Variants in WWTR1 observed in about 807,000 individuals in gnomAD.
WWTR1 encodes the protein WW domain containing transcription regulator 1.
In WWTR1, 13 loss-of-function variants were observed where a neutral mutation model predicts 40.1. The ratio of observed to expected loss-of-function variants is 0.32; its 90% CI spans 0.21 to 0.52. The LOEUF (loss-of-function observed/expected upper bound fraction) is 0.52, where lower values mean the gene tolerates loss of function less well. Among genes scored for constraint, WWTR1 ranks in the 20% least tolerant of loss-of-function variants. WWTR1 has a pLI of 0.97. For missense variants in WWTR1, 436 were observed against 523.1 expected (o/e 0.83, Z 1.63); for synonymous variants, 230 against 210.1 (o/e 1.09, Z -0.82).
At chr3:149,675,984 C>T (rs1434875800) in intron 1 of WWTR1, among the ~76,000 whole-genome samples, 1 of 152,098 alleles carries the variant, frequency 6.6e-6, no homozygotes, top group Non-Finnish European at 1.5e-5. Flanking sequence ...GGATTACAGG[C>T]GTGAGCCACC....
At chr3:149,661,455 T>C (rs555577595), upstream of WWTR1, 93 of 151,972 alleles carry the variant, frequency 6.1e-4, no homozygotes, top group African/African-American at 2.2e-3. Flanking sequence ...AGGGTTTCAC[T>C]TTGTTGCCCA....
At chr3:149,590,905 T>C (rs532870306) in intron 2 of WWTR1, among the ~76,000 whole-genome samples, 2 of 152,120 alleles carry the variant, frequency 1.3e-5, no homozygotes, top group Non-Finnish European at 2.9e-5. Context: ...GCAGGCTTGG[T>C]CCTCCTCTTG....
At chr3:149,569,495 C>A (rs922198809) in intron 3 of WWTR1, among the ~76,000 whole-genome samples, 1 of 152,128 alleles carries the variant, frequency 6.6e-6, no homozygotes, top group Admixed American at 6.6e-5. Flanking sequence ...AACTACAGAG[C>A]CAGGATTCAA....
intron 3 of WWTR1, among the ~76,000 whole-genome samples, chr3:149,554,253 C>T (rs1018463186): frequency 3.3e-5 from 5 of 152,204 alleles, no homozygotes; most frequent in African/African-American, 1.2e-4. Context: ...GATTCAGCCA[C>T]ACTTTCCCAG....
At chr3:149,624,090 T>G (rs16862059) in intron 2 of WWTR1, among the ~76,000 whole-genome samples, 3 of 152,164 alleles carry the variant, frequency 2.0e-5, no homozygotes, top group African/African-American at 7.2e-5. Context: ...ATTGAGGAAC[T>G]AAATCTTTCT....
At chr3:149,682,250 T>C (rs1039007361) in intron 1 of WWTR1, among the ~76,000 whole-genome samples, 1 of 152,168 alleles carries the variant, frequency 6.6e-6, no homozygotes, top group African/African-American at 2.4e-5. Context: ...TTTGTAACTT[T>C]GGCTGCACCA....
chr3:149,647,129 C>A (rs970607284), intron 2 of WWTR1, among the ~76,000 whole-genome samples: 1 of 151,968 alleles, frequency 6.6e-6, no homozygotes, highest in Non-Finnish European at 1.5e-5. Flanking sequence ...TACATTGATA[C>A]ATGCATGCTT....
intron 1 of WWTR1, among the ~76,000 whole-genome samples, chr3:149,675,546 A>G (rs1041639030): frequency 1.3e-5 from 2 of 152,148 alleles, no homozygotes; most frequent in Non-Finnish European, 2.9e-5. Flanking sequence ...CAGGAGAATA[A>G]TGGTACCGAA....
intron 2 of WWTR1, 110 bp downstream of exon 2, chr3:149,656,764 TTC>T (rs780553230): frequency 0.035 from 15,382 of 444,160 alleles, 3 homozygotes; most frequent in South Asian, 0.058. Context: ...ATCTCTCTCT[TTC>T]TCTCTCTCTC....
chr3:149,640,505 C>T (rs1712113383), intron 2 of WWTR1, among the ~76,000 whole-genome samples: 1 of 152,156 alleles, frequency 6.6e-6, no homozygotes, highest in African/African-American at 2.4e-5. Flanking sequence ...ACTGCAACCT[C>T]TGCCTCCCTG....
At position 149,527,833 on chromosome 3, in the gene WWTR1, T is replaced by C; in HGVS notation, c.905+3A>G. On this transcript the variant is annotated splice_donor_region_variant and intron_variant, in intron 5 of 6. Transcript: ENST00000360632. Reference sequence around the variant, plus strand: ...AATAAGTGGCCCCCAAATATTAACTTACCCATTGAGGAAAGGATCTGAGCT... The same window carrying C: ...AATAAGTGGCCCCCAAATATTAACTCACCCATTGAGGAAAGGATCTGAGCT... 6.2e-7 allele frequency: 1 copy of C among 1,613,966 alleles called. No individual in the cohort carries two copies. The highest frequency in any genetic ancestry group is 8.5e-7 in the Non-Finnish European group (1 of 1,179,972).
chr3:149,565,928 CAAAAA>C (rs58536558), intron 3 of WWTR1, among the ~76,000 whole-genome samples: 2 of 73,474 alleles, frequency 2.7e-5, no homozygotes, highest in African/African-American at 5.7e-5. Flanking sequence ...AACTCTGTCT[CAAAAA>C]AAAAAAAAAA....
chr3:149,704,251 G>A (rs953461561), upstream of WWTR1, among the ~76,000 whole-genome samples: 3 of 152,144 alleles, frequency 2.0e-5, no homozygotes, highest in African/African-American at 4.8e-5. Flanking sequence ...AATTAAAAGG[G>A]GGAGAAAATA....
chr3:149,718,414 C>G (rs929361567), intron 4 of WWTR1, among the ~76,000 whole-genome samples: 1 of 152,204 alleles, frequency 6.6e-6, no homozygotes, highest in African/African-American at 2.4e-5. Flanking sequence ...TCACAGGGTC[C>G]TCTGCTATCT....
chr3:149,568,537 A>C (rs866069920), intron 3 of WWTR1, among the ~76,000 whole-genome samples: 58 of 124,918 alleles, frequency 4.6e-4, no homozygotes, highest in Non-Finnish European at 5.8e-4. Flanking sequence ...AAAAAAAAAA[A>C]AAAAAAAAAA....
At chr3:149,534,995 A>G (rs1735757600) in intron 4 of WWTR1, among the ~76,000 whole-genome samples, 1 of 152,184 alleles carries the variant, frequency 6.6e-6, no homozygotes. Context: ...AAACCAACAG[A>G]GGAGGTGAGA....
intron 2 of WWTR1, among the ~76,000 whole-genome samples, chr3:149,643,818 A>G (rs1712330366): frequency 6.6e-6 from 1 of 152,152 alleles, no homozygotes; most frequent in Non-Finnish European, 1.5e-5. Flanking sequence ...TCTGAGAAAC[A>G]CACCACAGAG....
chr3:149,523,374 G>A (rs1269137437), intron 6 of WWTR1, among the ~76,000 whole-genome samples: 1 of 151,790 alleles, frequency 6.6e-6, no homozygotes, highest in Non-Finnish European at 1.5e-5. Flanking sequence ...TCAGCTTCCC[G>A]AGTGGCTGGG....
intron 3 of WWTR1, among the ~76,000 whole-genome samples, chr3:149,557,660 A>G (rs1560059053): frequency 6.6e-6 from 1 of 152,034 alleles, no homozygotes. Flanking sequence ...TTTCTCAGCC[A>G]CAGTCCTTTA....
Sources: gnomAD v4.1 joint callset for allele counts (sites outside exome capture counted in the v4.1 genomes callset) on GRCh38, gnomAD v4.1.1 for gene constraint, MANE v1.5 for transcripts, NCBI Gene and HGNC (gene_info 2026-07-23, HGNC 2026-07-21) for gene names.